The following LETM1 variants were observed in gnomAD, a reference collection of about 807,000 sequenced individuals.
The protein encoded by LETM1 is leucine zipper and EF-hand containing transmembrane protein 1.
In LETM1, 50 loss-of-function variants were observed where a neutral mutation model predicts 74.5. The ratio of observed to expected loss-of-function variants is 0.67; its 90% CI spans 0.53 to 0.85. The LOEUF is 0.85. LETM1 is among the 40% of genes least tolerant of loss of function. The pLI is 0.00. For synonymous variants in LETM1, 446 were observed against 407.1 expected (o/e 1.10, Z -1.15); for missense variants, 824 against 967.8 (o/e 0.85, Z 1.97).
At chr4:1,846,666 T>A (rs1267102348) in intron 2 of LETM1, 1 of 152,206 alleles carries the variant, frequency 6.6e-6, no homozygotes, top group African/African-American at 2.4e-5. Flanking sequence ...AAAGATTACT[T>A]AAACCCAAAA....
At chr4:1,835,354 G>A (rs995204365) in intron 4 of LETM1, among the ~76,000 whole-genome samples, 6 of 151,950 alleles carry the variant, frequency 3.9e-5, no homozygotes, top group Non-Finnish European at 8.8e-5. Context: ...CACAAGAATC[G>A]CTTGAACCCA....
In LETM1 at chr4:1,825,630, C is replaced by A; in HGVS notation, c.1134G>T (p.Ala378=). The part of the protein sequence containing the change: ...DSLNVKELQA[A]CRARGMRALG... ...GGGCCCGCATGCCTCGTGCCCGACACGCTGCCTGCAGCTCCTTGACATTCA... is the reference window on the plus strand; with the variant it reads ...GGGCCCGCATGCCTCGTGCCCGACAAGCTGCCTGCAGCTCCTTGACATTCA... The change falls in exon 7 of 14, where the codon GCG becomes GCT. Residue 378 remains alanine, a synonymous_variant. Transcript: ENST00000302787. The A allele has an allele frequency of 2.5e-6, 4 of 1,614,090 alleles. No individual in the cohort carries two copies. Among genetic ancestry groups the A allele is most frequent in the Non-Finnish European group, 2.5e-6 (3 of 1,179,988 alleles).
chr4:1,815,237 C>T (rs1343486144), intron 13 of LETM1, among the ~76,000 whole-genome samples: 2 of 152,192 alleles, frequency 1.3e-5, no homozygotes, highest in Non-Finnish European at 2.9e-5. Context: ...AGCCTTGGGG[C>T]GGTGCCCAAG....
At chr4:1,822,633 C>T in intron 9 of LETM1, 1 of 348,662 alleles carries the variant, frequency 2.9e-6, no homozygotes, top group Non-Finnish European at 5.1e-6. Flanking sequence ...GACCACAGGG[C>T]CCGCGTTGAA....
chr4:1,839,933 T>C (rs138815759), intron 3 of LETM1, among the ~76,000 whole-genome samples: 2 of 152,016 alleles, frequency 1.3e-5, no homozygotes, highest in Admixed American at 6.6e-5. Flanking sequence ...CTATGCTTTA[T>C]AGTAAACTGA....
Position 1,835,353 on chromosome 4 carries a change from C to T in LETM1, c.739-371G>A, listed in dbSNP as rs1216102904. 5.9e-5 allele frequency among the ~76,000 whole-genome samples: 9 copies of T among 151,978 alleles called. No individual in the cohort carries two copies. The East Asian group carries it at 7.7e-4, about 13-fold the overall frequency. On this transcript the variant is annotated intron_variant, in intron 4 of 13. Transcript: ENST00000302787. ...ACTTGGGAGGCTGAGGCACAAGAAT[C>T]GCTTGAACCCAGGAGGTGGAGGCTA...
intron 11 of LETM1, among the ~76,000 whole-genome samples, chr4:1,817,258 A>C (rs2108835160): frequency 6.6e-6 from 1 of 151,412 alleles, no homozygotes; most frequent in East Asian, 1.9e-4. Flanking sequence ...AAAAAAAAAA[A>C]AAAAAAAAAA....
At chr4:1,841,842 G>C in intron 2 of LETM1, 45 bp from the exon 3 acceptor site, 1 of 1,409,144 alleles carries the variant, frequency 7.1e-7, no homozygotes, top group African/African-American at 1.4e-5. Flanking sequence ...GCCAGCACTA[G>C]CCTTTGACAG....
At position 1,814,439 on chromosome 4, in the gene LETM1, T is replaced by C. The variant is rs1722551073; in HGVS notation, c.2205A>G (p.Ala735=). The stretch of plus-strand genomic sequence containing the variant: ...GCCAGTGGTTCTAGCTCTTCACCTC[T>C]GCGACCTCCTTCTCTGCCTTCTCTT... ...KAKEKAEKEV[A]EVKS Residue 735 remains alanine (A), a synonymous_variant, in exon 14 of 14, where the codon GCA becomes GCG. Coordinates refer to ENST00000302787, the MANE Select transcript of LETM1 (RefSeq NM_012318.3). 3 of 1,614,238 alleles carry C rather than the reference T, an allele frequency of 1.9e-6. No individual in the cohort carries two copies. The South Asian group carries it at 3.3e-5, about 18-fold the overall frequency.
Position 1,822,073 on chromosome 4 carries a change from G to C in LETM1, c.1608+108C>G, listed in dbSNP as rs1162559694. On this transcript the variant is annotated intron_variant, in intron 10 of 13. Coordinates refer to ENST00000302787, the MANE Select transcript of LETM1 (RefSeq NM_012318.3). The stretch of plus-strand genomic sequence containing the variant: ...CCCTTGCACCATCTCCTCTCACTGA[G>C]GGCTATAGATGCCCCAGCTAACCTG... 5.3e-6 allele frequency: 6 copies of C among 1,135,112 alleles called. No homozygotes were observed. In the East Asian group the frequency reaches 1.7e-4, roughly 32 times the overall value. The allele number at this position is 1,135,112 out of a possible 1,614,324, so 70.3% of individuals were successfully genotyped here. A position where few individuals can be genotyped will look rare whatever the true frequency, so the allele number is the denominator to read the frequency against.
Position 1,815,812 on chromosome 4 carries a change from C to G in LETM1, c.1932-10G>C. 2 of 1,613,384 alleles carry G rather than the reference C, an allele frequency of 1.2e-6. No individual in the cohort carries two copies. Among genetic ancestry groups the G allele is most frequent in the Non-Finnish European group, 1.7e-6 (2 of 1,179,724 alleles). ...ACTGATGACGTTCTCCCTGTGGAAG[C>G]ACAGCCTGCATGTGGCCACGGGCAG... is the stretch of plus-strand genomic sequence containing the variant. On this transcript the variant is annotated splice_polypyrimidine_tract_variant and intron_variant, in intron 12 of 13. Coordinates refer to ENST00000302787, the MANE Select transcript of LETM1 (RefSeq NM_012318.3).
rs777331038 is a variant in LETM1, at chr4:1,823,096, C to T, written c.1368G>A (p.Glu456=). 6.4e-5 allele frequency: 103 copies of T among 1,608,032 alleles called. No homozygotes were observed. Among genetic ancestry groups the T allele is most frequent in the Non-Finnish European group, 8.2e-5 (97 of 1,176,702 alleles). The part of the protein sequence containing the change: ...KEAQVKVAEV[E]GEQVDNKAKL... ...TGGCCTTGTTGTCCACCTGCTCGCC[C>T]TCCACCTCGGCCACTTTCACCTGTG... The change falls in exon 9 of 14, where the codon GAG becomes GAA. Residue 456 remains glutamate, a synonymous_variant. Transcript: ENST00000302787.
intron 6 of LETM1, among the ~76,000 whole-genome samples, chr4:1,828,817 C>T (rs1454279269): frequency 8.4e-6 from 1 of 118,964 alleles, no homozygotes; most frequent in African/African-American, 3.3e-5. Context: ...GGGGGCTGAC[C>T]CCCCCCACCT....
Position 1,814,471 on chromosome 4 carries a change from TCTC to T in LETM1, c.2170_2172del (p.Glu724del), listed in dbSNP as rs1278371848. 6.2e-7 allele frequency: 1 copy of T among 1,614,024 alleles called. No individual in the cohort carries two copies. Among genetic ancestry groups the T allele is most frequent in the East Asian group, 2.2e-5 (1 of 44,902 alleles). On this transcript the variant is annotated inframe_deletion, in exon 14 of 14. Transcript: ENST00000302787. The stretch of plus-strand genomic sequence containing the variant: ...TCCTTCTCTGCCTTCTCTTTGGCCT[TCTC>T]CTTCTCCTCCACCTTCTCCTCTTTT...
chr4:1,840,136 G>T (rs991706506), intron 3 of LETM1, among the ~76,000 whole-genome samples: 27 of 152,236 alleles, frequency 1.8e-4, no homozygotes, highest in African/African-American at 6.0e-4. Context: ...CCAGCACTTT[G>T]CGAGGCCAAG....
chr4:1,833,227 C>T (rs1365013776), intron 5 of LETM1: 2 of 427,412 alleles, frequency 4.7e-6, no homozygotes, highest in Admixed American at 3.7e-5. Context: ...TGCGCCACCA[C>T]ACCCAGCTAA....
In LETM1 at chr4:1,815,563, G is replaced by A; in HGVS notation, c.2070+101C>T. Reference sequence around the variant, plus strand: ...CCCAAACCCCTGACAGGAGGGGGTAGCTGCCCAGGAGGGTGCCGGACATGC... The same window carrying A: ...CCCAAACCCCTGACAGGAGGGGGTAACTGCCCAGGAGGGTGCCGGACATGC... On this transcript the variant is annotated intron_variant, in intron 13 of 13. Transcript: ENST00000302787. 5 of 1,333,938 alleles carry A rather than the reference G, an allele frequency of 3.7e-6. No individual in the cohort carries two copies. The South Asian group carries it at 5.4e-5, about 14-fold the overall frequency. 82.6% of individuals were successfully genotyped at this position (1,333,938 alleles called of 1,614,324 possible).
In LETM1 at chr4:1,817,019, G is replaced by A. The variant is rs1187961706; in HGVS notation, c.1744-105C>T. On this transcript the variant is annotated intron_variant, in intron 11 of 13. Transcript: ENST00000302787. ...CCAGTACTTTGCAAGGCCAAGGCGG[G>A]CGGATCACCTGAGGTTAGGAGTTCG... 3 of 910,724 alleles carry A rather than the reference G, an allele frequency of 3.3e-6. No individual in the cohort carries two copies. In the African/African-American group the frequency reaches 5.0e-5, roughly 15 times the overall value. 56.4% of individuals were successfully genotyped at this position (910,724 alleles called of 1,614,324 possible). A position where few individuals can be genotyped will look rare whatever the true frequency, so the allele number is the denominator to read the frequency against.
At position 1,812,608 on chromosome 4, in the gene LETM1, T is replaced by C. The variant is rs1722500690; in HGVS notation, c.*1816A>G. The stretch of plus-strand genomic sequence containing the variant: ...TACATTTGCACCCAGACACCACTTT[T>C]AGGTGCAAGAAGAAAGGTCAGGACA... On this transcript the variant is annotated 3_prime_UTR_variant, in exon 14 of 14. Transcript: ENST00000302787. 1 of 152,178 alleles carries C rather than the reference T, an allele frequency of 6.6e-6. No individual in the cohort carries two copies. The highest frequency in any genetic ancestry group is 2.4e-5 in the African/African-American group (1 of 41,378). 9.4% of individuals were successfully genotyped at this position (152,178 alleles called of 1,614,324 possible). A position where few individuals can be genotyped will look rare whatever the true frequency, so the allele number is the denominator to read the frequency against.
Sources: allele counts gnomAD v4.1 joint callset (sites outside exome capture counted in the v4.1 genomes callset), GRCh38; gene constraint gnomAD v4.1.1; transcripts MANE v1.5; gene names NCBI Gene and HGNC (gene_info 2026-07-23, HGNC 2026-07-21).